Variants in SUGCT observed in about 807,000 individuals in gnomAD.
The protein encoded by SUGCT is succinyl-CoA:glutarate CoA-transferase.
SUGCT carries 41 observed loss-of-function variants against 55.0 expected under a neutral mutation model. That is an observed-to-expected ratio of 0.74 (90% CI 0.58 to 0.97). SUGCT has a LOEUF of 0.97. SUGCT is among the 50% of genes least tolerant of loss of function. The pLI is 0.00. For missense variants in SUGCT, 568 were observed against 547.8 expected, an observed-to-expected ratio of 1.04 and a Z score of -0.37; for synonymous variants, 187 against 200.4, an observed-to-expected ratio of 0.93 and a Z score of 0.56.
intron 7 of SUGCT, among the ~76,000 whole-genome samples, chr7:40,243,448 TAAAA>T: frequency 6.6e-6 from 1 of 152,124 alleles, no homozygotes; most frequent in East Asian, 1.9e-4. Context: ...GAAAACTGAA[TAAAA>T]TTAGTGGTAT....
chr7:40,319,534 A>G (rs1468724899), intron 9 of SUGCT, among the ~76,000 whole-genome samples: 3 of 152,192 alleles, frequency 2.0e-5, no homozygotes, highest in African/African-American at 7.2e-5. Context: ...TGAGGTGCCT[A>G]GCTCACTCTC....
At chr7:40,830,317 G>A (rs1792590158) in intron 13 of SUGCT, among the ~76,000 whole-genome samples, 1 of 152,144 alleles carries the variant, frequency 6.6e-6, no homozygotes, top group Admixed American at 6.5e-5. Context: ...AGTCCTTCCA[G>A]CGGTTTGCAG....
intron 9 of SUGCT, among the ~76,000 whole-genome samples, chr7:40,434,444 A>AT (rs995963551): frequency 2.5e-4 from 38 of 151,626 alleles, no homozygotes; most frequent in African/African-American, 7.7e-4. Context: ...TGGTGTAATG[A>AT]TTTTTTCATT....
chr7:40,249,313 C>CTATCTATATCTATATATA (rs1324264789), intron 7 of SUGCT, among the ~76,000 whole-genome samples: 1 of 79,516 alleles, frequency 1.3e-5, no homozygotes, highest in Non-Finnish European at 2.3e-5. Context: ...CACCAAAAAG[C>CTATCTATATCTATATATA]TATATATATA....
At chr7:40,876,174 A>G in the SUGCT span, among the ~76,000 whole-genome samples, 2 of 152,208 alleles carry the variant, frequency 1.3e-5, no homozygotes, top group African/African-American at 4.8e-5. Context: ...AATTGCAACC[A>G]TAATACCTCT....
In SUGCT at chr7:40,667,400, A is replaced by G. The variant is rs533986399; in HGVS notation, c.1090-82034A>G. Among the ~76,000 whole-genome samples, 17 of 152,008 alleles carry G rather than the reference A, an allele frequency of 1.1e-4. No homozygotes were observed. In the East Asian group the frequency reaches 3.3e-3, roughly 30 times the overall value. Reference sequence around the variant, plus strand: ...TATGTTCATCGGGGTGTTGGCCTGTAGTTTTCTTTGTCTGTTGTGTCTTTG... The same window carrying G: ...TATGTTCATCGGGGTGTTGGCCTGTGGTTTTCTTTGTCTGTTGTGTCTTTG... On this transcript the variant is annotated intron_variant, in intron 12 of 13. Transcript: ENST00000335693.
chr7:40,537,701 G>A (rs913308939), intron 12 of SUGCT, among the ~76,000 whole-genome samples: 1 of 152,182 alleles, frequency 6.6e-6, no homozygotes, highest in African/African-American at 2.4e-5. Context: ...TTAATGAAAT[G>A]TAATCCAAAT....
At chr7:40,608,453 C>T (rs533695549) in intron 12 of SUGCT, among the ~76,000 whole-genome samples, 2 of 152,164 alleles carry the variant, frequency 1.3e-5, no homozygotes, top group African/African-American at 4.8e-5. Flanking sequence ...AAGCCTAAGG[C>T]CAAAGTATGA....
At chr7:40,745,132 A>T (rs556502125) in intron 12 of SUGCT, among the ~76,000 whole-genome samples, 26 of 152,344 alleles carry the variant, frequency 1.7e-4, no homozygotes, top group South Asian at 4.1e-4. Flanking sequence ...TCATATCATT[A>T]TCCACAGTGA....
At chr7:40,849,173 A>T (rs1280443043) in intron 13 of SUGCT, among the ~76,000 whole-genome samples, 2 of 152,306 alleles carry the variant, frequency 1.3e-5, no homozygotes, top group East Asian at 3.9e-4. Context: ...ATTATAAAAC[A>T]GATGTTCACT....
At chr7:40,673,466 C>T (rs1802042084) in intron 12 of SUGCT, among the ~76,000 whole-genome samples, 1 of 152,230 alleles carries the variant, frequency 6.6e-6, no homozygotes, top group African/African-American at 2.4e-5. Flanking sequence ...TATTTCATCT[C>T]TTTGCCAAAA....
At chr7:40,912,310 A>G in the SUGCT span, among the ~76,000 whole-genome samples, 2 of 152,128 alleles carry the variant, frequency 1.3e-5, no homozygotes, top group Non-Finnish European at 2.9e-5. Context: ...ACTAATTCAG[A>G]TGATTTTAGA....
chr7:40,283,193 A>C (rs146543103), intron 8 of SUGCT, among the ~76,000 whole-genome samples: 157 of 152,214 alleles, frequency 1.0e-3, no homozygotes, highest in African/African-American at 3.5e-3. Flanking sequence ...ACCCCATTAA[A>C]ATTTGGGCAA....
At chr7:40,420,501 G>A (rs992877954) in intron 9 of SUGCT, among the ~76,000 whole-genome samples, 1 of 151,946 alleles carries the variant, frequency 6.6e-6, no homozygotes, top group Non-Finnish European at 1.5e-5. Context: ...ACCATGCCCA[G>A]CTAATTTTTG....
intron 13 of SUGCT, among the ~76,000 whole-genome samples, chr7:40,844,749 C>G (rs1271025559): frequency 6.6e-6 from 1 of 152,222 alleles, no homozygotes; most frequent in African/African-American, 2.4e-5. Flanking sequence ...TACTTCCCTG[C>G]CTCCTGTCTG....
the SUGCT span, among the ~76,000 whole-genome samples, chr7:40,899,861 T>G: frequency 6.6e-6 from 1 of 152,198 alleles, no homozygotes; most frequent in African/African-American, 2.4e-5. Flanking sequence ...TTCCCGAGCG[T>G]ATGGCCATGT....
chr7:40,419,925 G>A (rs565344939), intron 9 of SUGCT, among the ~76,000 whole-genome samples: 5 of 152,240 alleles, frequency 3.3e-5, no homozygotes, highest in African/African-American at 9.6e-5. Flanking sequence ...AGTACTGTGA[G>A]GTACCATGGA....
At chr7:40,681,496 A>G (rs1304472407) in intron 12 of SUGCT, among the ~76,000 whole-genome samples, 5 of 152,138 alleles carry the variant, frequency 3.3e-5, no homozygotes, top group Non-Finnish European at 5.9e-5. Context: ...ACCAGATACC[A>G]CACCGAGGTT....
At chr7:40,673,082 C>A (rs1175669713) in intron 12 of SUGCT, among the ~76,000 whole-genome samples, 1 of 152,164 alleles carries the variant, frequency 6.6e-6, no homozygotes, top group African/African-American at 2.4e-5. Flanking sequence ...CTATCAATAT[C>A]AGTAATATTT....
Sources: gnomAD v4.1 joint callset for allele counts (sites outside exome capture counted in the v4.1 genomes callset) on GRCh38, gnomAD v4.1.1 for gene constraint, MANE v1.5 for transcripts, NCBI Gene and HGNC (gene_info 2026-07-23, HGNC 2026-07-21) for gene names.